The following CLEC1A variants were observed in gnomAD, a reference collection of about 807,000 sequenced individuals.
CLEC1A encodes the protein C-type lectin-like receptor-1.
A neutral mutation model predicts 28.7 loss-of-function variants in CLEC1A; 34 were observed. The ratio of observed to expected loss-of-function variants is 1.18; its 90% CI spans 0.90 to 1.57. CLEC1A has a LOEUF of 1.57. Among genes scored for constraint, CLEC1A ranks in the 40% most tolerant of loss-of-function variants. CLEC1A has a pLI of 0.00. For missense variants in CLEC1A, 385 were observed against 339.5 expected, an observed-to-expected ratio of 1.13 and a Z score of -1.05; for synonymous variants, 116 against 121.0, an observed-to-expected ratio of 0.96 and a Z score of 0.27.
At chr12:10,078,884 A>T (rs1219704113) in intron 3 of CLEC1A, among the ~76,000 whole-genome samples, 7 of 152,064 alleles carry the variant, frequency 4.6e-5, no homozygotes, top group Admixed American at 3.9e-4. Flanking sequence ...AGAGCCTGGC[A>T]TGTCTCTCCC....
At chr12:10,083,115 A>C (rs7975127) in intron 2 of CLEC1A, among the ~76,000 whole-genome samples, 1 of 152,006 alleles carries the variant, frequency 6.6e-6, no homozygotes, top group East Asian at 1.9e-4. Context: ...GAGAATAACA[A>C]TCACTGCAGT....
intron 3 of CLEC1A, among the ~76,000 whole-genome samples, chr12:10,077,171 G>C (rs974480711): frequency 2.0e-5 from 3 of 152,124 alleles, no homozygotes; most frequent in African/African-American, 7.2e-5. Context: ...AATAGGTAGT[G>C]ATACTATGTA....
chr12:10,090,439 T>C (rs890754865), intron 1 of CLEC1A, among the ~76,000 whole-genome samples: 2 of 152,062 alleles, frequency 1.3e-5, no homozygotes, highest in Non-Finnish European at 2.9e-5. Context: ...TATATTTTTG[T>C]TGGAGATGAG....
chr12:10,096,886 CTACT>C (rs1289811358), intron 1 of CLEC1A, among the ~76,000 whole-genome samples: 1 of 152,138 alleles, frequency 6.6e-6, no homozygotes, highest in Non-Finnish European at 1.5e-5. Flanking sequence ...CTGAACTCCT[CTACT>C]TAATTAGGTA....
intron 1 of CLEC1A, among the ~76,000 whole-genome samples, chr12:10,098,050 A>G (rs1282292364): frequency 1.2e-5 from 1 of 84,480 alleles, no homozygotes; most frequent in Non-Finnish European, 2.6e-5. Flanking sequence ...GAAATAAGGA[A>G]CAGGATAGTT....
At position 10,085,536 on chromosome 12, in the gene CLEC1A, T is replaced by TAA. The variant is rs71049044; in HGVS notation, c.214+3586_214+3587dup. ...AAAACAGACATTAAAGCAAAAACAGTAAAAAAAAAAAAAAAAAAAAGACAA... is the reference window on the plus strand; with the variant it reads ...AAAACAGACATTAAAGCAAAAACAGTAAAAAAAAAAAAAAAAAAAAAAGACAA... On this transcript the variant is annotated intron_variant, in intron 2 of 5. Transcript: ENST00000315330. Among the ~76,000 whole-genome samples, 21 of 128,714 alleles carry TAA rather than the reference T, an allele frequency of 1.6e-4. 1 individual carries two copies. The East Asian group carries it at 2.4e-3, about 15-fold the overall frequency. The allele number at this position is 128,714 out of a possible 152,430, so 84.4% of individuals were successfully genotyped here. A position where few individuals can be genotyped will look rare whatever the true frequency, so the allele number is the denominator to read the frequency against.
At chr12:10,093,487 T>C (rs1357186935) in intron 1 of CLEC1A, among the ~76,000 whole-genome samples, 2 of 151,658 alleles carry the variant, frequency 1.3e-5, no homozygotes, top group Non-Finnish European at 2.9e-5. Flanking sequence ...TGAAACTTTG[T>C]GGGTGGAGAG....
chr12:10,097,317 C>T (rs1480222792), intron 1 of CLEC1A, among the ~76,000 whole-genome samples: 1 of 152,128 alleles, frequency 6.6e-6, no homozygotes, highest in Non-Finnish European at 1.5e-5. Flanking sequence ...AATCTGAATC[C>T]TCCACATTGC....
intron 4 of CLEC1A, among the ~76,000 whole-genome samples, chr12:10,073,768 A>G (rs995339562): frequency 1.3e-5 from 2 of 152,210 alleles, no homozygotes; most frequent in Non-Finnish European, 2.9e-5. Context: ...ATTCTGGGAC[A>G]TGGAAGAATA....
intron 2 of CLEC1A, 50 bp from the exon 3 acceptor site, chr12:10,081,463 T>A: frequency 6.9e-7 from 1 of 1,442,252 alleles, no homozygotes; most frequent in Non-Finnish European, 9.4e-7. Flanking sequence ...TATGTTTTAT[T>A]TCCATTTTCT....
intron 2 of CLEC1A, among the ~76,000 whole-genome samples, chr12:10,086,445 G>A (rs562690457): frequency 1.3e-5 from 2 of 151,352 alleles, no homozygotes; most frequent in African/African-American, 2.4e-5. Flanking sequence ...TCAATAGAAC[G>A]TTAGCAAGGT....
At chr12:10,098,656 T>C in intron 1 of CLEC1A, 152 bp downstream of exon 1, 1 of 483,226 alleles carries the variant, frequency 2.1e-6, no homozygotes. Flanking sequence ...TGAATATAAC[T>C]GAAAAAAAAA....
chr12:10,097,749 C>T (rs546542993), intron 1 of CLEC1A, among the ~76,000 whole-genome samples: 10 of 152,198 alleles, frequency 6.6e-5, no homozygotes, highest in African/African-American at 2.2e-4. Context: ...AAACCACAGC[C>T]GTAAAAATGG....
intron 2 of CLEC1A, among the ~76,000 whole-genome samples, chr12:10,082,634 C>T (rs1172880367): frequency 6.6e-6 from 1 of 152,136 alleles, no homozygotes; most frequent in African/African-American, 2.4e-5. Context: ...CACCCATCAC[C>T]TGAGAAACCT....
At chr12:10,075,085 T>C (rs1049203524) in intron 4 of CLEC1A, among the ~76,000 whole-genome samples, 2 of 152,236 alleles carry the variant, frequency 1.3e-5, no homozygotes, top group African/African-American at 4.8e-5. Context: ...AAGCAAGATA[T>C]ACATTTGCAG....
chr12:10,074,348 G>A (rs1185790248), intron 4 of CLEC1A, among the ~76,000 whole-genome samples: 2 of 152,130 alleles, frequency 1.3e-5, no homozygotes, highest in South Asian at 2.1e-4. Flanking sequence ...AGCAATAGTC[G>A]TAGAGTGAAC....
chr12:10,077,965 G>A (rs765737592), intron 3 of CLEC1A, among the ~76,000 whole-genome samples: 9 of 152,038 alleles, frequency 5.9e-5, no homozygotes, highest in Non-Finnish European at 1.0e-4. Context: ...TATGCTTCTA[G>A]TTGTTTTGAC....
At chr12:10,080,238 G>T (rs1479337030) in intron 3 of CLEC1A, among the ~76,000 whole-genome samples, 7 of 152,070 alleles carry the variant, frequency 4.6e-5, no homozygotes, top group African/African-American at 9.7e-5. Flanking sequence ...GCTTAAACCT[G>T]GGAGGAGGAA....
intron 5 of CLEC1A, among the ~76,000 whole-genome samples, chr12:10,072,048 T>TG (rs1291117208): frequency 6.6e-6 from 1 of 152,156 alleles, no homozygotes; most frequent in Non-Finnish European, 1.5e-5. Flanking sequence ...TGGGGCCTGG[T>TG]GGGAGGTGTT....
Sources: gnomAD v4.1 joint callset for allele counts (sites outside exome capture counted in the v4.1 genomes callset) on GRCh38, gnomAD v4.1.1 for gene constraint, MANE v1.5 for transcripts, NCBI Gene and HGNC (gene_info 2026-07-23, HGNC 2026-07-21) for gene names.